Variants in GAD2 observed in about 807,000 individuals in gnomAD.
The protein encoded by GAD2 is glutamate decarboxylase 2.
In GAD2, 22 loss-of-function variants were observed where a neutral mutation model predicts 80.1. The observed-to-expected ratio is 0.27, with a 90% confidence interval of 0.20 to 0.39. The LOEUF (loss-of-function observed/expected upper bound fraction) is 0.39. Ranked by LOEUF, GAD2 falls within the 10% of genes least tolerant of loss-of-function variation. GAD2 has a pLI of 1.00. For synonymous variants in GAD2, 274 were observed against 256.9 expected (o/e 1.07, Z -0.64); for missense variants, 624 against 738.4 (o/e 0.85, Z 1.80).
At chr10:26,244,554 A>G (rs111574191) in intron 7 of GAD2, among the ~76,000 whole-genome samples, 6,863 of 152,288 alleles carry the variant, frequency 0.045, 499 homozygotes, top group African/African-American at 0.16. Context: ...TCAGCCTTAA[A>G]AAGGAAGGAA....
intron 7 of GAD2, among the ~76,000 whole-genome samples, chr10:26,238,931 G>A (rs1327702001): frequency 1.3e-5 from 2 of 152,146 alleles, no homozygotes; most frequent in Non-Finnish European, 2.9e-5. Flanking sequence ...ATGTGAAGGA[G>A]GAGGATACGG....
intron 12 of GAD2, among the ~76,000 whole-genome samples, chr10:26,282,856 C>A (rs1208076967): frequency 6.6e-6 from 1 of 152,184 alleles, no homozygotes; most frequent in African/African-American, 2.4e-5. Context: ...TTGAAGACAG[C>A]AACTTCCCCT....
At chr10:26,269,275 C>T in intron 9 of GAD2, 102 bp downstream of exon 9, 1 of 896,678 alleles carries the variant, frequency 1.1e-6, no homozygotes, top group East Asian at 2.6e-5. Context: ...ATCCAAGCCT[C>T]AATCTCCCAG....
intron 13 of GAD2, among the ~76,000 whole-genome samples, chr10:26,290,342 G>A (rs553289583): frequency 3.9e-5 from 6 of 152,274 alleles, no homozygotes; most frequent in African/African-American, 1.4e-4. Flanking sequence ...TTTAAAGGAC[G>A]GAGAGCTCAT....
At chr10:26,294,318 A>G (rs541755166) in intron 15 of GAD2, among the ~76,000 whole-genome samples, 5 of 151,922 alleles carry the variant, frequency 3.3e-5, no homozygotes, top group African/African-American at 1.2e-4. Flanking sequence ...TTGTGTAGAT[A>G]TAAAACCTTC....
intron 8 of GAD2, among the ~76,000 whole-genome samples, chr10:26,265,704 G>A (rs1845064854): frequency 6.6e-6 from 1 of 152,206 alleles, no homozygotes; most frequent in Non-Finnish European, 1.5e-5. Context: ...AATTATTAAA[G>A]ATATATGCTT....
At chr10:26,241,912 A>G (rs117698355) in intron 7 of GAD2, among the ~76,000 whole-genome samples, 2 of 152,184 alleles carry the variant, frequency 1.3e-5, no homozygotes, top group African/African-American at 4.8e-5. Context: ...ATTCTTTGCT[A>G]AAACATCTCC....
At chr10:26,290,203 A>T (rs1055239408) in intron 13 of GAD2, among the ~76,000 whole-genome samples, 1 of 152,236 alleles carries the variant, frequency 6.6e-6, no homozygotes, top group African/African-American at 2.4e-5. Context: ...AGCATCTATT[A>T]TCGTGTCTAG....
intron 7 of GAD2, among the ~76,000 whole-genome samples, chr10:26,234,052 G>C (rs531194969): frequency 6.6e-6 from 1 of 152,072 alleles, no homozygotes; most frequent in Non-Finnish European, 1.5e-5. Flanking sequence ...AGCCGGGTGC[G>C]GTGGCTCACG....
chr10:26,256,032 CT>C (rs1294825669), intron 8 of GAD2, among the ~76,000 whole-genome samples: 2 of 151,818 alleles, frequency 1.3e-5, no homozygotes, highest in Non-Finnish European at 2.9e-5. Context: ...GCTCATCCAA[CT>C]TTTTTTTACA....
At chr10:26,218,014 C>T in intron 3 of GAD2, 23 bp downstream of exon 3, 1 of 1,579,964 alleles carries the variant, frequency 6.3e-7, no homozygotes. Flanking sequence ...CGGGGAGCCC[C>T]GGGGCGCCCC....
At chr10:26,263,943 G>A (rs1033265952) in intron 8 of GAD2, among the ~76,000 whole-genome samples, 10 of 152,096 alleles carry the variant, frequency 6.6e-5, no homozygotes, top group African/African-American at 2.4e-4. Flanking sequence ...TTGTTAAGTC[G>A]GGGTAGTTGT....
intron 8 of GAD2, among the ~76,000 whole-genome samples, chr10:26,252,501 C>T (rs531868788): frequency 6.6e-6 from 1 of 152,154 alleles, no homozygotes; most frequent in East Asian, 1.9e-4. Context: ...TGCCACCACG[C>T]CCAGCTAATT....
intron 6 of GAD2, among the ~76,000 whole-genome samples, chr10:26,229,241 G>T (rs1844568272): frequency 6.6e-6 from 1 of 150,968 alleles, no homozygotes; most frequent in Non-Finnish European, 1.5e-5. Flanking sequence ...AGTAACAGCT[G>T]ATTTATGTTA....
chr10:26,277,066 C>T (rs1425778389), intron 11 of GAD2, among the ~76,000 whole-genome samples: 1 of 152,150 alleles, frequency 6.6e-6, no homozygotes, highest in African/African-American at 2.4e-5. Flanking sequence ...TTGGAGAGCA[C>T]AGAGAAAGGA....
At chr10:26,251,643 G>A (rs951142641) in intron 8 of GAD2, among the ~76,000 whole-genome samples, 5 of 152,136 alleles carry the variant, frequency 3.3e-5, no homozygotes, top group African/African-American at 1.2e-4. Context: ...CTCCATTTAG[G>A]ACAATTTCTT....
intron 7 of GAD2, among the ~76,000 whole-genome samples, chr10:26,235,636 T>C (rs909331225): frequency 6.6e-6 from 1 of 152,240 alleles, no homozygotes; most frequent in Non-Finnish European, 1.5e-5. Context: ...TTGAAAGTGA[T>C]CTTAAAGATC....
chr10:26,255,351 G>A (rs1196518824), intron 8 of GAD2, among the ~76,000 whole-genome samples: 1 of 152,206 alleles, frequency 6.6e-6, no homozygotes, highest in East Asian at 1.9e-4. Context: ...GGCAGTTTCA[G>A]TGGAGGGGTG....
At chr10:26,271,845 C>A (rs192065139) in intron 10 of GAD2, among the ~76,000 whole-genome samples, 1 of 152,204 alleles carries the variant, frequency 6.6e-6, no homozygotes, top group East Asian at 1.9e-4. Flanking sequence ...CCGCAACCTC[C>A]GCCTCCAGGG....
Sources: gnomAD v4.1 joint callset for allele counts (sites outside exome capture counted in the v4.1 genomes callset) on GRCh38, gnomAD v4.1.1 for gene constraint, MANE v1.5 for transcripts, NCBI Gene and HGNC (gene_info 2026-07-23, HGNC 2026-07-21) for gene names.